MYH9: variants seen among roughly 807,000 people sequenced by gnomAD.
MYH9 encodes myosin-9.
MYH9 carries 29 observed loss-of-function variants against 241.9 expected under a neutral mutation model. The ratio of observed to expected loss-of-function variants is 0.12; its 90% CI spans 0.09 to 0.16. MYH9 has a LOEUF of 0.16. Ranked by LOEUF, MYH9 falls within the 10% of genes least tolerant of loss-of-function variation. The pLI, the probability that MYH9 is intolerant of heterozygous loss-of-function variation, is 1.00. For missense variants in MYH9, 1,803 were observed against 2,595.5 expected (o/e 0.69, Z 6.63); for synonymous variants, 1,047 against 1,062.6 (o/e 0.99, Z 0.29).
chr22:36,372,501 A>G (rs2018104086), intron 1 of MYH9, among the ~76,000 whole-genome samples: 1 of 151,904 alleles, frequency 6.6e-6, no homozygotes, highest in Admixed American at 6.6e-5. Context: ...TCTCAAAAAA[A>G]AAAAAAAAAT....
intron 13 of MYH9, among the ~76,000 whole-genome samples, chr22:36,312,880 G>A (rs922969910): frequency 1.3e-5 from 2 of 151,844 alleles, no homozygotes; most frequent in African/African-American, 2.4e-5. Context: ...AGGCCGAGGC[G>A]GGCGGATCAC....
intron 9 of MYH9, 157 bp from the exon 10 acceptor site, chr22:36,319,792 G>C (rs5995281): frequency 1.3e-6 from 1 of 767,826 alleles, no homozygotes; most frequent in Admixed American, 2.0e-5. Flanking sequence ...TGCGTCTAAC[G>C]GTGTGCGGTG....
intron 28 of MYH9, 28 bp downstream of exon 28, chr22:36,294,064 C>T (rs371556143): frequency 2.1e-5 from 33 of 1,604,038 alleles, no homozygotes; most frequent in African/African-American, 1.3e-4. Flanking sequence ...GCCCACTGCC[C>T]GCGCCAGGGT....
At chr22:36,317,807 C>G (rs566303094) in intron 11 of MYH9, among the ~76,000 whole-genome samples, 1 of 152,272 alleles carries the variant, frequency 6.6e-6, no homozygotes, top group Admixed American at 6.5e-5. Flanking sequence ...GGTAGAGAAA[C>G]AGCCGCTTGG....
At chr22:36,310,202 G>T (rs573300410) in intron 14 of MYH9, among the ~76,000 whole-genome samples, 1 of 151,838 alleles carries the variant, frequency 6.6e-6, no homozygotes, top group Non-Finnish European at 1.5e-5. Flanking sequence ...CCTGGGAGAC[G>T]GAGGTTGCAG....
intron 31 of MYH9, among the ~76,000 whole-genome samples, chr22:36,291,325 T>C (rs1235703063): frequency 6.6e-6 from 1 of 152,240 alleles, no homozygotes; most frequent in Non-Finnish European, 1.5e-5. Flanking sequence ...TTTCATTTTG[T>C]TGTGTACAAG....
chr22:36,346,007 C>T (rs1028812329), intron 2 of MYH9, among the ~76,000 whole-genome samples: 2 of 152,132 alleles, frequency 1.3e-5, no homozygotes, highest in Non-Finnish European at 1.5e-5. Flanking sequence ...ATTAGCCGGG[C>T]ATGCTGGTGG....
In MYH9 at chr22:36,329,421, C is replaced by T. The variant is rs572867767; in HGVS notation, c.491-1933G>A. 1.3e-5 allele frequency among the ~76,000 whole-genome samples: 2 copies of T among 152,194 alleles called. No homozygotes were observed. The highest frequency in any genetic ancestry group is 2.9e-5 in the Non-Finnish European group (2 of 68,036). On this transcript the variant is annotated intron_variant, in intron 3 of 40. Coordinates refer to ENST00000216181, the MANE Select transcript of MYH9 (RefSeq NM_002473.6). This position sits in a 1 kb window ranked among gnomAD's most constrained non-coding sequence, Gnocchi z 4.1. ...GAGCAATTTCATTGCTGGCCCCTAA[C>T]GACAGTGTGGCAACCGATAAGGGTT...
intron 3 of MYH9, among the ~76,000 whole-genome samples, chr22:36,333,873 G>A (rs1191028147): frequency 3.3e-5 from 5 of 152,128 alleles, no homozygotes; most frequent in South Asian, 2.1e-4. Context: ...AACTCGTCAC[G>A]GGAGGCCAAA....
intron 2 of MYH9, among the ~76,000 whole-genome samples, chr22:36,345,349 G>A (rs543406566): frequency 7.4e-5 from 11 of 147,828 alleles, no homozygotes; most frequent in South Asian, 2.2e-4. Context: ...TGGAATCCTC[G>A]CAGATGAGGA....
intron 31 of MYH9, among the ~76,000 whole-genome samples, chr22:36,290,745 C>A (rs1276502548): frequency 6.6e-6 from 1 of 151,364 alleles, no homozygotes; most frequent in Non-Finnish European, 1.5e-5. Context: ...AAGTGAGGAG[C>A]GTCTCTGCCC....
Position 36,320,171 on chromosome 22 carries a change from C to G in MYH9, c.1012+49G>C. The G allele has an allele frequency of 6.2e-7, 1 of 1,613,182 alleles. No homozygotes were observed. Among genetic ancestry groups the G allele is most frequent in the South Asian group, 1.1e-5 (1 of 91,066 alleles). ...CCCTGATGCCCCGAGGCCGTGGGTA[C>G]CAGCCTTCCTCTGCCCCACACTCGA... On this transcript the variant is annotated intron_variant, in intron 9 of 40. Transcript: ENST00000216181. The surrounding 1 kb of genome is among the most constrained non-coding windows in gnomAD (Gnocchi z 4.8).
rs2016508824 is a variant in MYH9, at chr22:36,282,552, G to A, written c.*116C>T. The stretch of plus-strand genomic sequence containing the variant: ...GATGGGGGGACGGGGCGGAGGGCAG[G>A]AGGAGGCATGTTCACAGCAGTCCCA... On this transcript the variant is annotated 3_prime_UTR_variant, in exon 41 of 41. Coordinates refer to ENST00000216181, the MANE Select transcript of MYH9 (RefSeq NM_002473.6). 1 of 976,338 alleles carries A rather than the reference G, an allele frequency of 1.0e-6. No homozygotes were observed. The highest frequency in any genetic ancestry group is 2.4e-5 in the East Asian group (1 of 42,070). The allele number at this position is 976,338 out of a possible 1,614,324, so 60.5% of individuals were successfully genotyped here.
At chr22:36,325,854 C>A (rs2017328065) in intron 5 of MYH9, among the ~76,000 whole-genome samples, 1 of 152,198 alleles carries the variant, frequency 6.6e-6, no homozygotes, top group African/African-American at 2.4e-5. Context: ...CCACACCCAG[C>A]CCCTCCTCCC....
At chr22:36,387,618 C>G (rs1416933267) in intron 1 of MYH9, among the ~76,000 whole-genome samples, 189 bp downstream of exon 1, 2 of 151,514 alleles carry the variant, frequency 1.3e-5, no homozygotes, top group Non-Finnish European at 2.9e-5. Context: ...CGAGCGCCCG[C>G]GTGGGGGTCC....
chr22:36,378,946 A>AG (rs2018213852), intron 1 of MYH9, among the ~76,000 whole-genome samples: 1 of 152,124 alleles, frequency 6.6e-6, no homozygotes, highest in Non-Finnish European at 1.5e-5. Flanking sequence ...GAATGAGCTT[A>AG]AGCAAATCGC....
At chr22:36,327,961 G>C (rs1320395001) in intron 3 of MYH9, among the ~76,000 whole-genome samples, 1 of 152,204 alleles carries the variant, frequency 6.6e-6, no homozygotes, top group African/African-American at 2.4e-5. Flanking sequence ...ACGAGGCCTG[G>C]CTTTGCAACG....
At chr22:36,332,661 T>TAAAAAA (rs67602880) in intron 3 of MYH9, among the ~76,000 whole-genome samples, 467 of 44,496 alleles carry the variant, frequency 0.01, 56 homozygotes, top group African/African-American at 0.043. Context: ...TCTGGATAAT[T>TAAAAAA]AAAAAAAAAA....
chr22:36,317,492 A>G (rs2017177007), intron 11 of MYH9, among the ~76,000 whole-genome samples: 1 of 152,222 alleles, frequency 6.6e-6, no homozygotes, highest in Non-Finnish European at 1.5e-5. Context: ...GTCTTTTGAA[A>G]ACAACAGTCT....
Sources: gnomAD v4.1 joint callset for allele counts (sites outside exome capture counted in the v4.1 genomes callset) on GRCh38, gnomAD v4.1.1 for gene constraint, Gnocchi (gnomAD v3.1) non-coding constraint, MANE v1.5 for transcripts, NCBI Gene and HGNC (gene_info 2026-07-23, HGNC 2026-07-21) for gene names.